E2F8: variants seen among roughly 807,000 people sequenced by gnomAD.
The protein encoded by E2F8 is E2F transcription factor 8, also known as transcription factor E2F8.
E2F8 carries 35 observed loss-of-function variants against 80.8 expected under a neutral mutation model. The ratio of observed to expected loss-of-function variants is 0.43; its 90% CI spans 0.33 to 0.57. The LOEUF (loss-of-function observed/expected upper bound fraction) is 0.57. E2F8 is among the 20% of genes least tolerant of loss of function. E2F8 has a pLI of 0.04. For missense variants in E2F8, 975 were observed against 1,056.2 expected (o/e 0.92, Z 1.07); for synonymous variants, 386 against 395.0 (o/e 0.98, Z 0.27).
In E2F8 at chr11:19,230,744, C is replaced by T. The variant is rs199676141; in HGVS notation, c.1157G>A (p.Arg386His). 41 of 1,614,074 alleles carry T rather than the reference C, an allele frequency of 2.5e-5. No individual in the cohort carries two copies. Among genetic ancestry groups the T allele is most frequent in the South Asian group, 1.2e-4 (11 of 91,076 alleles). Reference sequence around the variant, plus strand: ...GTGTCGAGTAAAGTTTGGTTTCCCACGTGTGGAAAAGAGGTTTTTGGCACA... The same window carrying T: ...GTGTCGAGTAAAGTTTGGTTTCCCATGTGTGGAAAAGAGGTTTTTGGCACA... Reference protein sequence around the residue: ...ENCAKNLFSTRGKPNFTRHPS... With the variant: ...ENCAKNLFSTHGKPNFTRHPS... The change falls in exon 8 of 13, where the codon CGT becomes CAT. Residue 386 changes from arginine (R) to histidine (H), a missense_variant. Transcript: ENST00000250024.
chr11:19,229,307 T>G lies in E2F8; in HGVS notation c.1893+147A>C. 9.2e-7 allele frequency: 1 copy of G among 1,086,226 alleles called. No homozygotes were observed. Among genetic ancestry groups the G allele is most frequent in the Non-Finnish European group, 1.3e-6 (1 of 756,758 alleles). The allele number at this position is 1,086,226 out of a possible 1,614,324, so 67.3% of individuals were successfully genotyped here. ...TCATCCCAGCCAGGGGATTAGCTGT[T>G]GAGGGCCTCACTTGGATTATGGGAT... On this transcript the variant is annotated intron_variant, in intron 10 of 12. Transcript: ENST00000250024. The surrounding 1 kb of genome is among the most constrained non-coding windows in gnomAD (Gnocchi z 4.3).
intron 9 of E2F8, 74 bp downstream of exon 9, chr11:19,230,167 A>T: frequency 2.6e-6 from 4 of 1,532,064 alleles, no homozygotes; most frequent in Non-Finnish European, 3.6e-6. Flanking sequence ...GCTTCTTCTC[A>T]CATAAAATAA....
chr11:19,225,128 C>A, intron 12 of E2F8, 93 bp downstream of exon 12: 2 of 1,501,620 alleles, frequency 1.3e-6, no homozygotes, highest in East Asian at 2.3e-5. Context: ...TTTCCCTCTC[C>A]AAAGAGGAAA....
Position 19,229,764 on chromosome 11 carries a change from G to C in E2F8, c.1583C>G (p.Thr528Ser), listed in dbSNP as rs372463700. ...TGGCGTCACACTTTGGTGGGCTTGA[G>C]TGGGCTGCAGGTAGATGGCATAGGA... ...GPSYAIYLQP[T>S]QAHQSVTPPQ... The change falls in exon 10 of 13, where the codon ACT (threonine) becomes AGT (serine). Residue 528 changes from threonine (T) to serine (S), a missense_variant. Physicochemically the swap from Thr to Ser is moderately conservative, Grantham distance 58 (BLOSUM62 1). Transcript: ENST00000250024. This position sits in a 1 kb window ranked among gnomAD's most constrained non-coding sequence, Gnocchi z 4.3. 43 of 1,614,124 alleles carry C rather than the reference G, an allele frequency of 2.7e-5. No individual in the cohort carries two copies. Among genetic ancestry groups the C allele is most frequent in the Non-Finnish European group, 4.2e-6 (5 of 1,180,060 alleles).
At chr11:19,239,295 G>C (rs1241317069) in intron 2 of E2F8, among the ~76,000 whole-genome samples, 1 of 152,120 alleles carries the variant, frequency 6.6e-6, no homozygotes, top group Non-Finnish European at 1.5e-5. Context: ...TTCTTACATG[G>C]AAGTCAGTAT....
intron 8 of E2F8, 122 bp downstream of exon 8, chr11:19,230,509 G>T: frequency 7.9e-7 from 1 of 1,259,930 alleles, no homozygotes; most frequent in Non-Finnish European, 1.1e-6. Context: ...GGCTTCAAGA[G>T]GGTTTGGGTA....
intron 10 of E2F8, among the ~76,000 whole-genome samples, chr11:19,227,172 T>C (rs1251140538): frequency 1.3e-5 from 2 of 152,220 alleles, no homozygotes; most frequent in Admixed American, 1.3e-4. Flanking sequence ...AAGTTTAATC[T>C]AGTTGTTAAT....
At position 19,224,899 on chromosome 11, in the gene E2F8, AC is replaced by A. The variant is rs1851189097; in HGVS notation, c.2422-60del. 2.5e-6 allele frequency: 4 copies of A among 1,579,480 alleles called. No homozygotes were observed. The East Asian group carries it at 9.0e-5, about 35-fold the overall frequency. ...CAACCACACACAGGTACATAGTCTT[AC>A]CAGACTTGGAAGATTGGGCTGGATG... On this transcript the variant is annotated intron_variant, in intron 12 of 12. Coordinates refer to ENST00000250024, the MANE Select transcript of E2F8 (RefSeq NM_024680.4).
At chr11:19,234,544 G>C (rs1565070756) in intron 5 of E2F8, 23 bp from the exon 6 acceptor site, 2 of 1,606,526 alleles carry the variant, frequency 1.2e-6, no homozygotes, top group Non-Finnish European at 1.7e-6. Context: ...ATGAGGATTA[G>C]AGAATTAAAA....
In E2F8 at chr11:19,225,382, G is replaced by A. The variant is rs1851206026; in HGVS notation, c.2260C>T (p.Pro754Ser). 2 of 1,614,040 alleles carry A rather than the reference G, an allele frequency of 1.2e-6. No individual in the cohort carries two copies. The highest frequency in any genetic ancestry group is 1.3e-5 in the African/African-American group (1 of 74,918). ...ISPNVQLSAS[P>S]GSGIVPVSPR... ...GACACAGGAACGATTCCAGACCCAG[G>A]GCTGGCAGACAACTGCACATTGGGT... Residue 754 changes from proline to serine, a missense_variant, in exon 12 of 13, where the codon CCT becomes TCT. Pro to Ser is a moderately conservative substitution (Grantham distance 74). Coordinates refer to ENST00000250024, the MANE Select transcript of E2F8 (RefSeq NM_024680.4).
chr11:19,234,967 G>A lies in E2F8; in HGVS notation c.543C>T (p.His181=), dbSNP rs1291135912. The A allele has an allele frequency of 3.7e-6, 6 of 1,614,044 alleles. No homozygotes were observed. The highest frequency in any genetic ancestry group is 1.3e-5 in the African/African-American group (1 of 74,904). The change falls in exon 5 of 13, where the codon CAC becomes CAT. Residue 181 remains histidine (H), a synonymous_variant. Coordinates refer to ENST00000250024, the MANE Select transcript of E2F8 (RefSeq NM_024680.4). ...GGGTTTTGTTGAGATTGTGTCGCCC[G>A]TGCCAAGTGTACCTGTTTTTGGCGA... ...SRLAKNRYTW[H]GRHNLNKTLG...
At position 19,235,054 on chromosome 11, in the gene E2F8, A is replaced by G. The variant is rs533285756; in HGVS notation, c.456T>C (p.Val152=). The change falls in exon 5 of 13, where the codon GTT becomes GTC. Residue 152 remains valine, a synonymous_variant. Coordinates refer to ENST00000250024, the MANE Select transcript of E2F8 (RefSeq NM_024680.4). ...CGATATCGTAAATGCGTCGACGTTC[A>G]ACATCTACAAAGAATGTGCAATTGT... ...CLDEVAEELN[V]ERRRIYDIVN... 4.4e-6 allele frequency: 7 copies of G among 1,600,880 alleles called. No individual in the cohort carries two copies. The African/African-American group carries it at 8.1e-5, about 18-fold the overall frequency.
intron 10 of E2F8, among the ~76,000 whole-genome samples, chr11:19,226,500 AG>A (rs113735051): frequency 0.17 from 26,403 of 152,180 alleles, 2,408 homozygotes; most frequent in East Asian, 0.25. Context: ...TAGTATTCTA[AG>A]GAAACACTTT....
chr11:19,238,816 T>C (rs972767300), intron 2 of E2F8, among the ~76,000 whole-genome samples: 1 of 152,158 alleles, frequency 6.6e-6, no homozygotes. Flanking sequence ...AGAAGTAAAA[T>C]GATTAGGTTG....
At chr11:19,225,640 C>G in intron 11 of E2F8, 25 bp from the exon 12 acceptor site, 1 of 1,610,302 alleles carries the variant, frequency 6.2e-7, no homozygotes, top group Non-Finnish European at 8.5e-7. Context: ...GGGAAGATAT[C>G]TTAAAAGCAC....
chr11:19,225,191 A>T, intron 12 of E2F8, 30 bp downstream of exon 12: 2 of 1,593,990 alleles, frequency 1.3e-6, no homozygotes, highest in Non-Finnish European at 1.7e-6. Flanking sequence ...TAATTCCAGG[A>T]AAAATTAAAT....
intron 12 of E2F8, 94 bp from the exon 13 acceptor site, chr11:19,224,934 G>A: frequency 7.1e-7 from 1 of 1,416,878 alleles, no homozygotes; most frequent in Non-Finnish European, 9.6e-7. Context: ...TGAATGTATT[G>A]CACATTGGGA....
intron 8 of E2F8, 57 bp downstream of exon 8, chr11:19,230,574 A>C: frequency 6.3e-7 from 1 of 1,575,606 alleles, no homozygotes; most frequent in African/African-American, 1.4e-5. Context: ...GTAAGCTGAA[A>C]AAATGAGATA....
chr11:19,240,133 C>G lies in E2F8; in HGVS notation c.-12G>C. On this transcript the variant is annotated 5_prime_UTR_variant, in exon 2 of 13. Transcript: ENST00000250024. ...TTTTCGTTCTCCATTCTGTAAATTC[C>G]TCATACATTTAGAGTTTAAAAATGA... 2 of 1,505,160 alleles carry G rather than the reference C, an allele frequency of 1.3e-6. No individual in the cohort carries two copies. The highest frequency in any genetic ancestry group is 1.8e-6 in the Non-Finnish European group (2 of 1,119,680). The allele number at this position is 1,505,160 out of a possible 1,614,324, so 93.2% of individuals were successfully genotyped here. A position where few individuals can be genotyped will look rare whatever the true frequency, so the allele number is the denominator to read the frequency against.
Sources: allele counts gnomAD v4.1 joint callset (sites outside exome capture counted in the v4.1 genomes callset), GRCh38; gene constraint gnomAD v4.1.1; non-coding constraint Gnocchi (gnomAD v3.1); transcripts MANE v1.5; gene names NCBI Gene and HGNC (gene_info 2026-07-23, HGNC 2026-07-21).